Variants in ORC3 observed in about 807,000 individuals in gnomAD.
ORC3 encodes the protein homolog of latheo, Drosophila.
A neutral mutation model predicts 100.7 loss-of-function variants in ORC3; 78 were observed. That is an observed-to-expected ratio of 0.77 (90% CI 0.65 to 0.94). The LOEUF is 0.94. Ranked by LOEUF, ORC3 falls within the 40% of genes least tolerant of loss-of-function variation. The probability of loss-of-function intolerance (pLI) is 0.00; values close to 1 mark genes in which losing one functional copy is unlikely to be tolerated. For missense variants in ORC3, 789 were observed against 823.9 expected, an observed-to-expected ratio of 0.96 and a Z score of 0.52; for synonymous variants, 295 against 289.3, an observed-to-expected ratio of 1.02 and a Z score of -0.20.
chr6:87,609,982 T>G (rs1408540676), intron 7 of ORC3, among the ~76,000 whole-genome samples: 1 of 152,212 alleles, frequency 6.6e-6, no homozygotes, highest in Non-Finnish European at 1.5e-5. Context: ...ATACTTCTAG[T>G]GAGAAACTAT....
intron 7 of ORC3, among the ~76,000 whole-genome samples, chr6:87,610,480 C>T (rs1778663559): frequency 6.6e-6 from 1 of 152,032 alleles, no homozygotes; most frequent in Non-Finnish European, 1.5e-5. Flanking sequence ...TGGGGCCTCC[C>T]AAAGTGCTAG....
chr6:87,608,891 C>A (rs1482245883), intron 6 of ORC3, among the ~76,000 whole-genome samples: 3 of 142,034 alleles, frequency 2.1e-5, no homozygotes, highest in Non-Finnish European at 4.7e-5. Context: ...TAGATTTTTA[C>A]TGAACCTTTT....
intron 12 of ORC3, among the ~76,000 whole-genome samples, chr6:87,635,676 A>G (rs138050267): frequency 6.6e-6 from 1 of 152,002 alleles, no homozygotes; most frequent in Non-Finnish European, 1.5e-5. Flanking sequence ...ACACACCTGT[A>G]GTCCCAGCTA....
rs1016551499 is a variant in ORC3 at position 87,655,453 on chromosome 6, G to A, written c.1517-1453G>A. ...TGCAGCCTATACCTCCCAGGCTCAAGTGATCCTCCCATCTTAGCCTCCCAA... is the reference window on the plus strand; with the variant it reads ...TGCAGCCTATACCTCCCAGGCTCAAATGATCCTCCCATCTTAGCCTCCCAA... On this transcript the variant is annotated intron_variant, in intron 14 of 19. Coordinates refer to ENST00000392844, the MANE Select transcript of ORC3 (RefSeq NM_012381.4). Among the ~76,000 whole-genome samples the A allele has an allele frequency of 4.6e-5, 7 of 150,824 alleles. 1 individual carries two copies. The highest frequency in any genetic ancestry group is 3.3e-4 in the Admixed American group (5 of 15,032).
At chr6:87,597,762 C>G (rs1777572013) in intron 2 of ORC3, among the ~76,000 whole-genome samples, 1 of 151,582 alleles carries the variant, frequency 6.6e-6, no homozygotes, top group Non-Finnish European at 1.5e-5. Flanking sequence ...CTATGTTGCC[C>G]AGGCTGGTCC....
chr6:87,608,588 T>C (rs1283848290), intron 6 of ORC3, among the ~76,000 whole-genome samples: 1 of 152,194 alleles, frequency 6.6e-6, no homozygotes, highest in Non-Finnish European at 1.5e-5. Context: ...CTCCACAATT[T>C]TAGACTTTCC....
At chr6:87,609,377 C>G (rs908874358) in intron 7 of ORC3, 148 bp downstream of exon 7, 24 of 561,980 alleles carry the variant, frequency 4.3e-5, no homozygotes, top group African/African-American at 5.8e-5. Context: ...TCAAAGACTT[C>G]CTATCAGATT....
intron 11 of ORC3, among the ~76,000 whole-genome samples, chr6:87,630,366 A>G (rs892231611): frequency 5.9e-5 from 9 of 152,244 alleles, no homozygotes; most frequent in African/African-American, 2.2e-4. Flanking sequence ...GCACCACTGC[A>G]TTCCAGCCTG....
intron 13 of ORC3, among the ~76,000 whole-genome samples, chr6:87,639,951 C>T (rs924169969): frequency 2.0e-5 from 3 of 151,658 alleles, no homozygotes; most frequent in East Asian, 1.9e-4. Flanking sequence ...GAGCTGAGAT[C>T]GCACCACTTC....
rs150068919 is a variant in ORC3 at position 87,651,309 on chromosome 6, C to T, written c.1383-1807C>T. On this transcript the variant is annotated intron_variant, in intron 13 of 19. Coordinates refer to ENST00000392844, the MANE Select transcript of ORC3 (RefSeq NM_012381.4). ...GATCTTCTGCCAGCAGAACCTCACCCGTCTTTCCCCTCCAAGCAAGTCAGT... is the reference window on the plus strand; with the variant it reads ...GATCTTCTGCCAGCAGAACCTCACCTGTCTTTCCCCTCCAAGCAAGTCAGT... 777 of 456,218 alleles carry T rather than the reference C, an allele frequency of 1.7e-3. 4 individuals carry two copies. Among genetic ancestry groups the T allele is most frequent in the South Asian group, 3.1e-3 (200 of 64,564 alleles). 28.3% of individuals were successfully genotyped at this position (456,218 alleles called of 1,614,324 possible). A position where few individuals can be genotyped will look rare whatever the true frequency, so the allele number is the denominator to read the frequency against.
rs1429677451 is a variant in ORC3 at position 87,622,005 on chromosome 6, T to G, written c.1177T>G (p.Tyr393Asp). ...KQVALLTNER[Y>D]LKEETQLLLE... is the part of the protein sequence containing the mutation. ...AGTTGCGCTCTTGACCAATGAGAGATATTTGAAGGTAGGAATGTGAATGTG... is the reference window on the plus strand; with the variant it reads ...AGTTGCGCTCTTGACCAATGAGAGAGATTTGAAGGTAGGAATGTGAATGTG... The change falls in exon 11 of 20, where the codon TAT (tyrosine) becomes GAT (aspartate). Residue 393 changes from tyrosine to aspartate, a missense_variant. By Grantham distance (160) the Tyr-to-Asp change is radical. This residue lies in a region of ORC3 where 366 missense variants were observed against 394.2 expected (regional missense o/e 0.93). Coordinates refer to ENST00000392844, the MANE Select transcript of ORC3 (RefSeq NM_012381.4). The G allele has an allele frequency of 1.2e-6, 2 of 1,602,906 alleles. No homozygotes were observed. The highest frequency in any genetic ancestry group is 1.7e-6 in the Non-Finnish European group (2 of 1,171,050).
chr6:87,651,310 G>A (rs543510679), intron 13 of ORC3: 62 of 456,162 alleles, frequency 1.4e-4, no homozygotes, highest in African/African-American at 4.6e-4. Context: ...AACCTCACCC[G>A]TCTTTCCCCT....
chr6:87,593,634 G>C (rs1419657529), intron 1 of ORC3, among the ~76,000 whole-genome samples: 1 of 152,210 alleles, frequency 6.6e-6, no homozygotes, highest in African/African-American at 2.4e-5. Flanking sequence ...TAGATACTTC[G>C]AGTTTAAATA....
intron 6 of ORC3, among the ~76,000 whole-genome samples, chr6:87,608,737 C>T (rs946772795): frequency 2.0e-5 from 3 of 151,530 alleles, no homozygotes; most frequent in Non-Finnish European, 4.4e-5. Context: ...ATATTTTTTT[C>T]ATTAAAAATA....
intron 16 of ORC3, among the ~76,000 whole-genome samples, chr6:87,662,270 C>A (rs1770241377): frequency 6.6e-6 from 1 of 151,946 alleles, no homozygotes; most frequent in South Asian, 2.1e-4. Context: ...ATTAAAAATA[C>A]AAAAATTAGC....
At chr6:87,657,008 C>T in intron 15 of ORC3, 26 bp downstream of exon 15, 1 of 1,436,258 alleles carries the variant, frequency 7.0e-7, no homozygotes, top group Non-Finnish European at 9.8e-7. Flanking sequence ...TCCCTTCCAG[C>T]TGCATCCTGT....
intron 14 of ORC3, among the ~76,000 whole-genome samples, chr6:87,655,604 C>G (rs973362287): frequency 1.3e-5 from 2 of 151,796 alleles, no homozygotes; most frequent in Non-Finnish European, 2.9e-5. Flanking sequence ...CTGCCTGCCT[C>G]AGCCTCCCAA....
Position 87,603,483 on chromosome 6 carries a change from G to A in ORC3, c.277G>A (p.Gly93Ser), listed in dbSNP as rs201924978. Reference protein sequence around the residue: ...GFQKNSRDLGGQIKLREIPTA... With the variant: ...GFQKNSRDLGSQIKLREIPTA... The stretch of plus-strand genomic sequence containing the variant: ...CCAGAAGAATTCAAGAGACTTGGGC[G>A]GTCAAATAAAACTCAGAGAAATTCC... The change falls in exon 4 of 20, where the codon GGT becomes AGT. Residue 93 changes from glycine to serine, a missense_variant. Gly to Ser is a moderately conservative substitution (Grantham distance 56). Coordinates refer to ENST00000392844, the MANE Select transcript of ORC3 (RefSeq NM_012381.4). The A allele has an allele frequency of 2.6e-5, 39 of 1,525,654 alleles. No homozygotes were observed. Among genetic ancestry groups the A allele is most frequent in the Middle Eastern group, 1.7e-4 (1 of 5,720 alleles). 94.5% of individuals were successfully genotyped at this position (1,525,654 alleles called of 1,614,324 possible).
rs1367901108 is a variant in ORC3, at chr6:87,636,486, G to A, written c.1382G>A (p.Arg461Lys). 1 of 1,606,428 alleles carries A rather than the reference G, an allele frequency of 6.2e-7. No individual in the cohort carries two copies. Among genetic ancestry groups the A allele is most frequent in the Admixed American group, 1.7e-5 (1 of 59,934 alleles). The change falls in exon 13 of 20, where the codon AGG becomes AAG. Residue 461 changes from arginine to lysine, a missense_variant and splice_region_variant. By Grantham distance (26) the Arg-to-Lys change is conservative. This residue lies in a region of ORC3 where 366 missense variants were observed against 394.2 expected (regional missense o/e 0.93). Transcript: ENST00000392844. ...EEYASVLQLL[R>K]MLAKDELMTI... ...TATGCATCAGTCTTGCAGCTGCTGA[G>A]GTAGTTTTGTTTTTTCTTGTTTTTC...
Sources: gnomAD v4.1 joint callset for allele counts (sites outside exome capture counted in the v4.1 genomes callset) on GRCh38, gnomAD v4.1.1 for gene constraint, gnomAD v4.1.1 regional missense constraint, MANE v1.5 for transcripts, NCBI Gene and HGNC (gene_info 2026-07-23, HGNC 2026-07-21) for gene names.